The following COLEC10 variants were observed in gnomAD, a reference collection of about 807,000 sequenced individuals.
COLEC10 encodes collectin-10.
A neutral mutation model predicts 28.4 loss-of-function variants in COLEC10; 22 were observed. The ratio of observed to expected loss-of-function variants is 0.78; its 90% CI spans 0.55 to 1.11. COLEC10 has a LOEUF of 1.11. Among genes scored for constraint, COLEC10 ranks in the 50% least tolerant of loss-of-function variants. COLEC10 has a pLI of 0.00. For missense variants in COLEC10, 361 were observed against 344.1 expected, an observed-to-expected ratio of 1.05 and a Z score of -0.39; for synonymous variants, 125 against 116.1, an observed-to-expected ratio of 1.08 and a Z score of -0.49.
At chr8:118,953,033 GA>G in the COLEC10 span, among the ~76,000 whole-genome samples, 1 of 152,208 alleles carries the variant, frequency 6.6e-6, no homozygotes, top group Non-Finnish European at 1.5e-5. Context: ...TCAAGGGAAG[GA>G]AGGTGAAGAA....
At chr8:119,044,635 G>A (rs10112061) in intron 2 of COLEC10, among the ~76,000 whole-genome samples, 50 of 152,038 alleles carry the variant, frequency 3.3e-4, no homozygotes, top group Non-Finnish European at 6.3e-4. Context: ...GGCATGGATC[G>A]TTTCAGGCCA....
At chr8:119,049,689 C>T (rs1814644553) in intron 2 of COLEC10, among the ~76,000 whole-genome samples, 1 of 152,100 alleles carries the variant, frequency 6.6e-6, no homozygotes, top group Non-Finnish European at 1.5e-5. Flanking sequence ...GCTGGGATTA[C>T]AGGCGTGAGC....
upstream of COLEC10, among the ~76,000 whole-genome samples, chr8:119,066,680 T>C (rs916589182): frequency 6.6e-6 from 1 of 152,228 alleles, no homozygotes; most frequent in African/African-American, 2.4e-5. Context: ...ATAAACATTT[T>C]AATATTCCTA....
intron 2 of COLEC10, among the ~76,000 whole-genome samples, chr8:119,051,688 A>G (rs529618787): frequency 1.1e-4 from 16 of 152,354 alleles, no homozygotes; most frequent in African/African-American, 3.1e-4. Context: ...AGCTCATACC[A>G]TATTAATAGA....
chr8:119,089,086 T>G (rs1194752888), intron 1 of COLEC10, among the ~76,000 whole-genome samples: 3 of 152,232 alleles, frequency 2.0e-5, no homozygotes, highest in Non-Finnish European at 4.4e-5. Flanking sequence ...TAACATGGCA[T>G]TAAAATCCAA....
chr8:119,040,713 G>A (rs1405939459), intron 2 of COLEC10, among the ~76,000 whole-genome samples: 1 of 152,198 alleles, frequency 6.6e-6, no homozygotes, highest in Non-Finnish European at 1.5e-5. Flanking sequence ...ACAGACAGAT[G>A]TGGGCAGGAA....
Position 119,067,329 on chromosome 8 carries a change from G to C in COLEC10, c.48G>C (p.Leu16=). 1 of 1,613,886 alleles carries C rather than the reference G, an allele frequency of 6.2e-7. No homozygotes were observed. The highest frequency in any genetic ancestry group is 2.2e-5 in the East Asian group (1 of 44,862). Residue 16 remains leucine (L), a synonymous_variant, in exon 1 of 6, where the codon CTG becomes CTC. Transcript: ENST00000332843. The part of the protein sequence containing the change: ...SLLRRNQFIL[L]VLFLLQIQSL... ...TTCGAAGAAACCAATTTATCCTCCT[G>C]GTACTATTTCTTTTGCAAATTCAGA... is the stretch of plus-strand genomic sequence containing the variant.
chr8:119,057,762 A>G (rs1336015737), intron 2 of COLEC10, among the ~76,000 whole-genome samples: 1 of 152,088 alleles, frequency 6.6e-6, no homozygotes, highest in Non-Finnish European at 1.5e-5. Flanking sequence ...ACAATTATTC[A>G]TTCTAATTCA....
intron 2 of COLEC10, among the ~76,000 whole-genome samples, chr8:119,015,737 T>A (rs1305807721): frequency 6.6e-6 from 1 of 152,170 alleles, no homozygotes; most frequent in African/African-American, 2.4e-5. Flanking sequence ...TCTCTCCAAT[T>A]TCAGGGGCAG....
intron 2 of COLEC10, among the ~76,000 whole-genome samples, chr8:119,047,569 A>G (rs1479046814): frequency 5.3e-5 from 8 of 152,226 alleles, no homozygotes; most frequent in Non-Finnish European, 1.2e-4. Flanking sequence ...TGAAAATACA[A>G]TTTAGACTTT....
intron 2 of COLEC10, among the ~76,000 whole-genome samples, chr8:119,013,201 A>G (rs1306507772): frequency 6.6e-6 from 1 of 150,504 alleles, no homozygotes; most frequent in East Asian, 1.9e-4. Context: ...TTAAATCTCT[A>G]TAGGTATCTC....
the COLEC10 span, among the ~76,000 whole-genome samples, chr8:118,987,861 A>T: frequency 6.6e-6 from 1 of 152,184 alleles, no homozygotes; most frequent in Non-Finnish European, 1.5e-5. Context: ...GAAACTGATA[A>T]AACTTTTTAT....
chr8:119,106,746 T>C lies in COLEC10; in HGVS notation c.*555T>C, dbSNP rs1815953378. On this transcript the variant is annotated 3_prime_UTR_variant, in exon 6 of 6. Coordinates refer to ENST00000332843, the MANE Select transcript of COLEC10 (RefSeq NM_006438.5). Reference sequence around the variant, plus strand: ...TGTTGGCACAGACATAGAAATGCTTTAACCCCAAACCTTTATATGGGGGAC... The same window carrying C: ...TGTTGGCACAGACATAGAAATGCTTCAACCCCAAACCTTTATATGGGGGAC... 6.6e-6 allele frequency among the ~76,000 whole-genome samples: 1 copy of C among 152,192 alleles called. No homozygotes were observed.
chr8:119,009,329 A>G (rs1813862869), intron 1 of COLEC10: 2 of 150,726 alleles, frequency 1.3e-5, no homozygotes, highest in African/African-American at 5.0e-5. Flanking sequence ...TTTGGTTGTT[A>G]AGAGGTACTA....
Position 119,102,711 on chromosome 8 carries a change from C to T in COLEC10, c.346+310C>T, listed in dbSNP as rs560426956. 209 of 272,602 alleles carry T rather than the reference C, an allele frequency of 7.7e-4. 1 individual carries two copies. Among genetic ancestry groups the T allele is most frequent in the South Asian group, 8.8e-4 (12 of 13,588 alleles). 16.9% of individuals were successfully genotyped at this position (272,602 alleles called of 1,614,324 possible). On this transcript the variant is annotated intron_variant, in intron 4 of 5. Transcript: ENST00000332843. ...ACTCTGGCAGTAAGCCCTGCCTCAG[C>T]ATGCCATGCCTTGCCTTTCACTAGC...
upstream of COLEC10, chr8:119,063,347 T>C (rs1427424788): frequency 6.6e-6 from 1 of 152,210 alleles, no homozygotes; most frequent in Non-Finnish European, 1.5e-5. Context: ...ATCTCATACT[T>C]CTCAAGGCCA....
At chr8:119,099,146 T>C (rs1408351778) in intron 3 of COLEC10, among the ~76,000 whole-genome samples, 2 of 152,112 alleles carry the variant, frequency 1.3e-5, no homozygotes, top group African/African-American at 4.8e-5. Flanking sequence ...GTTTGTTTGT[T>C]TGAATGTGAC....
the COLEC10 span, among the ~76,000 whole-genome samples, chr8:118,964,488 A>G: frequency 1.3e-5 from 2 of 152,164 alleles, no homozygotes; most frequent in Admixed American, 6.5e-5. Context: ...TAAGGTGTCA[A>G]TGAGCTTTAA....
chr8:119,028,024 G>GGATCTGTGTC (rs1216289513), intron 2 of COLEC10, among the ~76,000 whole-genome samples: 6,660 of 152,020 alleles, frequency 0.044, 216 homozygotes, highest in East Asian at 0.16. Flanking sequence ...GGATCTGTGT[G>GGATCTGTGTC]AGGATTAAAT....
Sources: allele counts gnomAD v4.1 joint callset (sites outside exome capture counted in the v4.1 genomes callset), GRCh38; gene constraint gnomAD v4.1.1; transcripts MANE v1.5; gene names NCBI Gene and HGNC (gene_info 2026-07-23, HGNC 2026-07-21).